FAM91A1: variants seen among roughly 807,000 people sequenced by gnomAD.
FAM91A1 encodes the protein protein FAM91A1.
FAM91A1 carries 41 observed loss-of-function variants against 113.5 expected under a neutral mutation model. That is an observed-to-expected ratio of 0.36 (90% CI 0.28 to 0.47). The LOEUF is 0.47. FAM91A1 is among the 20% of genes least tolerant of loss of function. FAM91A1 has a pLI of 1.00. For missense variants in FAM91A1, 696 were observed against 1,001.2 expected (o/e 0.70, Z 4.11); for synonymous variants, 307 against 347.9 (o/e 0.88, Z 1.31).
chr8:123,810,408 C>A, intron 23 of FAM91A1, 57 bp downstream of exon 23: 1 of 1,447,688 alleles, frequency 6.9e-7, no homozygotes, highest in Non-Finnish European at 9.7e-7. Context: ...GTATGCACAA[C>A]ACTTCTGTGT....
intron 8 of FAM91A1, among the ~76,000 whole-genome samples, chr8:123,781,732 G>A (rs569801116): frequency 2.7e-4 from 41 of 152,222 alleles, no homozygotes; most frequent in African/African-American, 7.7e-4. Context: ...CAATCTGCCC[G>A]CCTCGGCCTC....
At chr8:123,785,057 A>C in intron 9 of FAM91A1, 24 bp from the exon 10 acceptor site, 1 of 1,555,744 alleles carries the variant, frequency 6.4e-7, no homozygotes, top group Non-Finnish European at 8.7e-7. Flanking sequence ...GAATGTAAAA[A>C]TAAATTTTAA....
chr8:123,787,508 C>T, intron 13 of FAM91A1, 135 bp downstream of exon 13: 3 of 979,304 alleles, frequency 3.1e-6, no homozygotes, highest in Non-Finnish European at 4.5e-6. Context: ...AGTATAATAA[C>T]TTTCAGGGAA....
chr8:123,811,043 C>T (rs1704183143), intron 23 of FAM91A1: 3 of 152,304 alleles, frequency 2.0e-5, no homozygotes, highest in African/African-American at 7.2e-5. Context: ...AAGAAGCCAA[C>T]TATGATGAAA....
At chr8:123,806,257 T>C in intron 20 of FAM91A1, 28 bp downstream of exon 20, 1 of 1,592,436 alleles carries the variant, frequency 6.3e-7, no homozygotes. Flanking sequence ...TTCTTTGGAT[T>C]AAGATAATTG....
In FAM91A1 at chr8:123,812,707, T is replaced by C. The variant is rs760434240; in HGVS notation, c.*3T>C. On this transcript the variant is annotated 3_prime_UTR_variant, in exon 24 of 24. Transcript: ENST00000334705. ...TTGCTAATCTCCATTTGCAATAATTTGGTTACACCATTTGTTGCTCACACT... is the reference window on the plus strand; with the variant it reads ...TTGCTAATCTCCATTTGCAATAATTCGGTTACACCATTTGTTGCTCACACT... 5.7e-6 allele frequency: 9 copies of C among 1,565,692 alleles called. No homozygotes were observed. The Admixed American group carries it at 9.9e-5, about 17-fold the overall frequency.
In FAM91A1 at chr8:123,784,060, C is replaced by A. The variant is rs184899435; in HGVS notation, c.704-410C>A. The stretch of plus-strand genomic sequence containing the variant: ...TTTTCGTATAGCGTAGCAACTCTTT[C>A]TTGCAGTCATTTGCTTTTCAGCTTT... On this transcript the variant is annotated intron_variant, in intron 8 of 23. Transcript: ENST00000334705. 1.4e-4 allele frequency among the ~76,000 whole-genome samples: 22 copies of A among 152,346 alleles called. 1 individual carries two copies. In the East Asian group the frequency reaches 4.2e-3, roughly 29 times the overall value.
intron 3 of FAM91A1, among the ~76,000 whole-genome samples, chr8:123,776,358 G>A (rs1370219511): frequency 6.6e-6 from 1 of 152,212 alleles, no homozygotes; most frequent in Non-Finnish European, 1.5e-5. Flanking sequence ...CATGAGGTTA[G>A]CCCTACATAC....
chr8:123,777,221 A>G (rs1174386848), intron 3 of FAM91A1, 44 bp from the exon 4 acceptor site: 2 of 1,247,626 alleles, frequency 1.6e-6, no homozygotes, highest in Non-Finnish European at 2.3e-6. Flanking sequence ...TTTTTATTTA[A>G]GGACATTTTA....
intron 20 of FAM91A1, among the ~76,000 whole-genome samples, chr8:123,807,142 C>T (rs1815831352): frequency 6.6e-6 from 1 of 152,074 alleles, no homozygotes; most frequent in Non-Finnish European, 1.5e-5. Flanking sequence ...ATTGGGTTGG[C>T]TCCCATTGAG....
intron 13 of FAM91A1, 89 bp downstream of exon 13, chr8:123,787,462 AC>A: frequency 8.9e-7 from 1 of 1,124,628 alleles, no homozygotes; most frequent in Non-Finnish European, 1.3e-6. Context: ...TTTTTAAAGT[AC>A]TACATTTATT....
At chr8:123,773,945 A>T (rs1460210466) in intron 1 of FAM91A1, 135 bp from the exon 2 acceptor site, 1 of 649,306 alleles carries the variant, frequency 1.5e-6, no homozygotes, top group East Asian at 3.0e-5. Flanking sequence ...TTAAGAAAAT[A>T]TTTTTTATTT....
chr8:123,789,776 T>G (rs1406179968), intron 15 of FAM91A1, 31 bp downstream of exon 15: 1 of 1,597,100 alleles, frequency 6.3e-7, no homozygotes, highest in Admixed American at 1.7e-5. Flanking sequence ...TTTGAAGACA[T>G]GATCATATGA....
intron 8 of FAM91A1, among the ~76,000 whole-genome samples, chr8:123,782,120 A>G (rs1174920676): frequency 2.6e-5 from 4 of 152,192 alleles, no homozygotes; most frequent in Non-Finnish European, 5.9e-5. Flanking sequence ...AATATTACTT[A>G]TGGCTAAACT....
chr8:123,785,108 TC>T lies in FAM91A1; in HGVS notation c.841del (p.Leu281TrpfsTer21). The T allele has an allele frequency of 6.3e-7, 1 of 1,589,836 alleles. No individual in the cohort carries two copies. The highest frequency in any genetic ancestry group is 1.9e-5 in the Admixed American group (1 of 53,318). On this transcript the variant is annotated frameshift_variant, in exon 10 of 24. Coordinates refer to ENST00000334705, the MANE Select transcript of FAM91A1 (RefSeq NM_144963.4). LOFTEE classifies it high-confidence loss of function. ...TGCAAATGTCCTTGAGATTGACTTATCCCTGGTTAAGGTATGTTATTTTTAT... is the reference window on the plus strand; with the variant it reads ...TGCAAATGTCCTTGAGATTGACTTATCCTGGTTAAGGTATGTTATTTTTAT... ...ELANVLEIDL[S>X]LVKNAVSMYC...
In FAM91A1 at chr8:123,775,209, C is replaced by T. The variant is rs1814952799; in HGVS notation, c.220C>T (p.His74Tyr). ...GGAACTGCTAAAGTACAGCCGAGAT[C>T]ATCTCATGCTGTACCCTTACCATCT... ...YEELLKYSRD[H>Y]LMLYPYHLSD... Residue 74 changes from histidine (H) to tyrosine (Y), a missense_variant, in exon 3 of 24, where the codon CAT becomes TAT. Coordinates refer to ENST00000334705, the MANE Select transcript of FAM91A1 (RefSeq NM_144963.4). The T allele has an allele frequency of 6.2e-7, 1 of 1,613,664 alleles. No individual in the cohort carries two copies. Among genetic ancestry groups the T allele is most frequent in the African/African-American group, 1.3e-5 (1 of 74,902 alleles).
chr8:123,791,250 A>C (rs1175648118), intron 15 of FAM91A1, among the ~76,000 whole-genome samples: 1 of 151,892 alleles, frequency 6.6e-6, no homozygotes, highest in East Asian at 1.9e-4. Context: ...ATTATTAGTA[A>C]ATGGAAGAGC....
At chr8:123,795,569 C>T (rs66515434) in intron 15 of FAM91A1, among the ~76,000 whole-genome samples, 31,971 of 152,100 alleles carry the variant, frequency 0.21, 3,677 homozygotes, top group East Asian at 0.31. Context: ...GGCCACTCTG[C>T]TTCCTGTACA....
chr8:123,803,939 T>C (rs926590228), intron 18 of FAM91A1, among the ~76,000 whole-genome samples: 2 of 152,230 alleles, frequency 1.3e-5, no homozygotes, highest in African/African-American at 4.8e-5. Flanking sequence ...GTAACAGTTC[T>C]AAATACATGT....
Sources: allele counts gnomAD v4.1 joint callset (sites outside exome capture counted in the v4.1 genomes callset), GRCh38; gene constraint gnomAD v4.1.1; transcripts MANE v1.5; gene names NCBI Gene and HGNC (gene_info 2026-07-23, HGNC 2026-07-21).